ZC3H7A: variants seen among roughly 807,000 people sequenced by gnomAD.
ZC3H7A encodes the protein zinc finger CCCH domain-containing protein 7A.
Under a neutral mutation model 125.5 loss-of-function variants are expected in ZC3H7A, and 44 were observed. That is an observed-to-expected ratio of 0.35 (90% CI 0.28 to 0.45). The LOEUF (loss-of-function observed/expected upper bound fraction) is 0.45. Among genes scored for constraint, ZC3H7A ranks in the 20% least tolerant of loss-of-function variants. The probability of loss-of-function intolerance (pLI) is 1.00; values close to 1 mark genes in which losing one functional copy is unlikely to be tolerated. For missense variants in ZC3H7A, 977 were observed against 1,170.7 expected, an observed-to-expected ratio of 0.83 and a Z score of 2.41; for synonymous variants, 399 against 391.2, an observed-to-expected ratio of 1.02 and a Z score of -0.23.
At position 11,768,426 on chromosome 16, in the gene ZC3H7A, T is replaced by A. The variant is rs569109628; in HGVS notation, c.1249A>T (p.Asn417Tyr). The A allele has an allele frequency of 2.5e-6, 4 of 1,592,024 alleles. No homozygotes were observed. The highest frequency in any genetic ancestry group is 2.2e-5 in the East Asian group (1 of 44,570). The change falls in exon 12 of 23, where the codon AAC (asparagine) becomes TAC (tyrosine). Residue 417 changes from asparagine to tyrosine, a missense_variant. By Grantham distance (143) the Asn-to-Tyr change is moderately radical. Around this residue, in one of 3 missense-constraint regions of ZC3H7A, gnomAD observed 342 missense variants for 311.3 expected, o/e 1.10. Coordinates refer to ENST00000355758, the MANE Select transcript of ZC3H7A (RefSeq NM_014153.4). ...TTGGTAACTGCACTTCCAAAAAAGTTTCCAAAGTCATTTCTAGGCTGACTT... is the reference window on the plus strand; with the variant it reads ...TTGGTAACTGCACTTCCAAAAAAGTATCCAAAGTCATTTCTAGGCTGACTT... ...ISSQPRNDFGNFFGSAVTKPS... is the reference protein window; with the variant it reads ...ISSQPRNDFGYFFGSAVTKPS...
At chr16:11,772,700 C>CTTT (rs397856219) in intron 9 of ZC3H7A, among the ~76,000 whole-genome samples, 2 of 141,572 alleles carry the variant, frequency 1.4e-5, no homozygotes, top group Non-Finnish European at 3.1e-5. Context: ...TCAGAGAAGT[C>CTTT]TTTTTTTTTT....
chr16:11,759,902 CAA>C (rs2052714733), intron 19 of ZC3H7A: 2 of 152,104 alleles, frequency 1.3e-5, no homozygotes, highest in South Asian at 2.1e-4. Flanking sequence ...CACTTGAGGT[CAA>C]GAGTCCGAGA....
At chr16:11,791,339 G>A (rs1408708304) in intron 1 of ZC3H7A, among the ~76,000 whole-genome samples, 1 of 152,020 alleles carries the variant, frequency 6.6e-6, no homozygotes, top group Non-Finnish European at 1.5e-5. Context: ...AAGTCACTGT[G>A]TTTGTTGTTC....
chr16:11,760,926 AT>A (rs2052742810), intron 19 of ZC3H7A, among the ~76,000 whole-genome samples: 1 of 152,132 alleles, frequency 6.6e-6, no homozygotes, highest in Non-Finnish European at 1.5e-5. Context: ...AACATTGAAC[AT>A]TTTTCTTTGG....
intron 2 of ZC3H7A, among the ~76,000 whole-genome samples, chr16:11,781,673 T>C (rs934074257): frequency 4.1e-5 from 6 of 146,360 alleles, no homozygotes; most frequent in South Asian, 4.4e-4. Flanking sequence ...TATATATATA[T>C]ACTATTCCTT....
At chr16:11,793,430 G>A (rs1330918545) in intron 1 of ZC3H7A, among the ~76,000 whole-genome samples, 3 of 151,954 alleles carry the variant, frequency 2.0e-5, no homozygotes, top group Admixed American at 2.0e-4. Flanking sequence ...CTACTCGGGA[G>A]ACTGAGGCAG....
intron 9 of ZC3H7A, among the ~76,000 whole-genome samples, chr16:11,771,731 C>G (rs1214210402): frequency 6.6e-6 from 1 of 151,964 alleles, no homozygotes; most frequent in Admixed American, 6.6e-5. Flanking sequence ...AAACTCCTGA[C>G]CTGAAGTGAT....
At chr16:11,788,637 G>A (rs1239748538) in intron 1 of ZC3H7A, among the ~76,000 whole-genome samples, 7 of 144,358 alleles carry the variant, frequency 4.8e-5, no homozygotes, top group East Asian at 2.0e-4. Context: ...TTTTTGAGAC[G>A]CAGTCTCCCT....
At chr16:11,760,055 G>T (rs545805488) in intron 19 of ZC3H7A, among the ~76,000 whole-genome samples, 15 of 150,984 alleles carry the variant, frequency 9.9e-5, no homozygotes, top group African/African-American at 1.7e-4. Context: ...GGAGGTGGAG[G>T]TGGAGGCTGC....
chr16:11,782,255 C>T (rs757467314), intron 2 of ZC3H7A, 32 bp downstream of exon 2: 21 of 1,612,822 alleles, frequency 1.3e-5, no homozygotes, highest in East Asian at 6.7e-5. Flanking sequence ...AATTAGGACG[C>T]GGCAAGAACA....
At chr16:11,781,789 A>G (rs186680350) in intron 2 of ZC3H7A, among the ~76,000 whole-genome samples, 1 of 152,210 alleles carries the variant, frequency 6.6e-6, no homozygotes, top group Admixed American at 6.5e-5. Context: ...CAGAGCCACT[A>G]ACAATATTTG....
intron 1 of ZC3H7A, among the ~76,000 whole-genome samples, chr16:11,786,508 A>G (rs886577036): frequency 5.9e-5 from 9 of 152,218 alleles, no homozygotes; most frequent in African/African-American, 2.2e-4. Context: ...TTTCCCCAGA[A>G]AGTGTTAGAG....
intron 10 of ZC3H7A, among the ~76,000 whole-genome samples, chr16:11,770,223 CA>C (rs948011996): frequency 6.6e-6 from 1 of 151,874 alleles, no homozygotes; most frequent in African/African-American, 2.4e-5. Flanking sequence ...ACAATGCCTT[CA>C]AAAAAATATT....
Position 11,751,156 on chromosome 16 carries a change from G to T in ZC3H7A, c.*161C>A. 1.4e-6 allele frequency: 1 copy of T among 701,906 alleles called. No individual in the cohort carries two copies. Among genetic ancestry groups the T allele is most frequent in the Non-Finnish European group, 2.3e-6 (1 of 443,434 alleles). The allele number at this position is 701,906 out of a possible 1,614,324, so 43.5% of individuals were successfully genotyped here. ...TCCGTGAGAGCGTGGCCAGGCCTGT[G>T]AAACAGCCCATTTTCCTACCTACTG... On this transcript the variant is annotated 3_prime_UTR_variant, in exon 23 of 23. Transcript: ENST00000355758.
intron 1 of ZC3H7A, 40 bp from the exon 2 acceptor site, chr16:11,782,428 G>A: frequency 6.4e-7 from 1 of 1,566,160 alleles, no homozygotes; most frequent in Non-Finnish European, 8.8e-7. Context: ...AAGGTACCAG[G>A]GTCCCTGGAC....
intron 19 of ZC3H7A, 86 bp downstream of exon 19, chr16:11,761,320 C>T (rs1387297179): frequency 2.3e-6 from 3 of 1,280,002 alleles, no homozygotes; most frequent in Non-Finnish European, 2.2e-6. Context: ...ATTTAAAGGG[C>T]TTGAGTTTCA....
intron 20 of ZC3H7A, among the ~76,000 whole-genome samples, chr16:11,756,883 G>A (rs894617663): frequency 1.3e-5 from 2 of 152,168 alleles, no homozygotes; most frequent in Non-Finnish European, 2.9e-5. Flanking sequence ...CCCAGAGGGC[G>A]GATATGCTGG....
chr16:11,771,070 A>C (rs1417881445), intron 9 of ZC3H7A, 83 bp from the exon 10 acceptor site: 1 of 1,317,784 alleles, frequency 7.6e-7, no homozygotes, highest in East Asian at 2.3e-5. Flanking sequence ...AGCAAATAAA[A>C]GCATTATTAC....
Position 11,779,258 on chromosome 16 carries a change from T to C in ZC3H7A, c.214A>G (p.Ile72Val), listed in dbSNP as rs750971404. Residue 72 changes from isoleucine to valine, a missense_variant, in exon 4 of 23, where the codon ATA becomes GTA. Transcript: ENST00000355758. ...SISQYTEALN[I>V]ADYAKSEEIL... ...TCTTCAGATTTTGCATAATCAGCTA[T>C]ATTCAAGGCTTCCGTGTACTGGCTT... The C allele has an allele frequency of 6.2e-7, 1 of 1,613,762 alleles. No individual in the cohort carries two copies. Among genetic ancestry groups the C allele is most frequent in the Non-Finnish European group, 8.5e-7 (1 of 1,179,894 alleles).
Sources: allele counts gnomAD v4.1 joint callset (sites outside exome capture counted in the v4.1 genomes callset), GRCh38; gene constraint gnomAD v4.1.1; regional missense constraint gnomAD v4.1.1; transcripts MANE v1.5; gene names NCBI Gene and HGNC (gene_info 2026-07-23, HGNC 2026-07-21).